The following RPS6KC1 variants were observed in gnomAD, a reference collection of about 807,000 sequenced individuals.
The protein encoded by RPS6KC1 is ribosomal protein S6 kinase C1.
RPS6KC1 carries 54 observed loss-of-function variants against 103.8 expected under a neutral mutation model. That is an observed-to-expected ratio of 0.52 (90% CI 0.42 to 0.65). The LOEUF is 0.65. Among genes scored for constraint, RPS6KC1 ranks in the 30% least tolerant of loss-of-function variants. RPS6KC1 has a pLI of 0.00. For synonymous variants in RPS6KC1, 439 were observed against 438.7 expected (o/e 1.00, Z -0.01); for missense variants, 1,151 against 1,253.8 (o/e 0.92, Z 1.24).
chr1:213,726,036 C>A, the RPS6KC1 span, among the ~76,000 whole-genome samples: 2 of 152,174 alleles, frequency 1.3e-5, no homozygotes, highest in Admixed American at 1.3e-4. Flanking sequence ...ACTCCATTGA[C>A]ACAAACTATC....
At chr1:213,088,987 A>G (rs765203734) in intron 3 of RPS6KC1, among the ~76,000 whole-genome samples, 1 of 152,264 alleles carries the variant, frequency 6.6e-6, no homozygotes, top group Non-Finnish European at 1.5e-5. Flanking sequence ...GCCAGAATGA[A>G]GTGATCATCA....
the RPS6KC1 span, among the ~76,000 whole-genome samples, chr1:213,754,987 A>G: frequency 6.6e-6 from 1 of 152,176 alleles, no homozygotes; most frequent in African/African-American, 2.4e-5. Flanking sequence ...CAGTGCAAAG[A>G]ATGTATTAAT....
At chr1:213,339,231 A>T in the RPS6KC1 span, among the ~76,000 whole-genome samples, 2 of 152,170 alleles carry the variant, frequency 1.3e-5, no homozygotes, top group Non-Finnish European at 2.9e-5. Flanking sequence ...ATGCCATTGC[A>T]CTCCAGCCTG....
At chr1:213,846,882 T>C in the RPS6KC1 span, among the ~76,000 whole-genome samples, 2 of 152,210 alleles carry the variant, frequency 1.3e-5, no homozygotes, top group Non-Finnish European at 2.9e-5. Context: ...AATTTCCCTC[T>C]TCATAGGAGT....
In RPS6KC1 at chr1:213,090,472, A is replaced by G. The variant is rs529682874; in HGVS notation, c.262+12656A>G. ...TTAAAAGGTAGAGTAGTTATAGGTG[A>G]TGATGTCATCAAAAGTCAATCCCAA... On this transcript the variant is annotated intron_variant, in intron 3 of 14. Coordinates refer to ENST00000366960, the MANE Select transcript of RPS6KC1 (RefSeq NM_012424.6). Among the ~76,000 whole-genome samples, 263 of 152,346 alleles carry G rather than the reference A, an allele frequency of 1.7e-3. 3 individuals carry two copies. The South Asian group carries it at 0.03, about 17-fold the overall frequency.
At chr1:213,357,963 C>T in the RPS6KC1 span, among the ~76,000 whole-genome samples, 1 of 152,198 alleles carries the variant, frequency 6.6e-6, no homozygotes, top group Non-Finnish European at 1.5e-5. Flanking sequence ...TTGAACCAGC[C>T]TTGCATCCCA....
At chr1:213,329,796 C>T in the RPS6KC1 span, among the ~76,000 whole-genome samples, 11 of 152,114 alleles carry the variant, frequency 7.2e-5, no homozygotes, top group Non-Finnish European at 1.6e-4. Context: ...GACAGCTGTC[C>T]GAGGTCCTTC....
chr1:213,345,813 T>C, the RPS6KC1 span, among the ~76,000 whole-genome samples: 1 of 152,230 alleles, frequency 6.6e-6, no homozygotes. Flanking sequence ...CTCCTTGGCC[T>C]CTTGCCTGCA....
chr1:213,277,232 C>A (rs534332163), downstream of RPS6KC1, among the ~76,000 whole-genome samples: 4 of 152,338 alleles, frequency 2.6e-5, no homozygotes, highest in African/African-American at 9.6e-5. Flanking sequence ...GACTCAGCAT[C>A]ACTTACTCTC....
chr1:213,859,381 G>T, the RPS6KC1 span, among the ~76,000 whole-genome samples: 3 of 152,192 alleles, frequency 2.0e-5, no homozygotes, highest in Non-Finnish European at 2.9e-5. Context: ...CTAAGATGGG[G>T]TTCAGGCATC....
the RPS6KC1 span, among the ~76,000 whole-genome samples, chr1:213,371,259 T>C: frequency 6.6e-6 from 1 of 152,212 alleles, no homozygotes. Flanking sequence ...TCAAGGCTCA[T>C]CCTGTTGTTG....
At chr1:213,736,307 G>A in the RPS6KC1 span, among the ~76,000 whole-genome samples, 1 of 152,174 alleles carries the variant, frequency 6.6e-6, no homozygotes, top group African/African-American at 2.4e-5. Context: ...TTCTCATGGG[G>A]AGGCTCCACT....
chr1:213,255,604 T>A (rs2094624901), intron 12 of RPS6KC1, among the ~76,000 whole-genome samples: 1 of 152,220 alleles, frequency 6.6e-6, no homozygotes, highest in African/African-American at 2.4e-5. Flanking sequence ...GTAGTTTTGA[T>A]AGCCACACAA....
At chr1:213,709,354 T>C in the RPS6KC1 span, among the ~76,000 whole-genome samples, 1 of 152,236 alleles carries the variant, frequency 6.6e-6, no homozygotes, top group Admixed American at 6.5e-5. Context: ...GTTTATAGTA[T>C]TCTCTGATGG....
the RPS6KC1 span, among the ~76,000 whole-genome samples, chr1:213,698,044 T>C: frequency 5.9e-5 from 9 of 152,226 alleles, no homozygotes; most frequent in Non-Finnish European, 1.3e-4. Context: ...TAGTTTTTCA[T>C]TGTACAGACC....
intron 8 of RPS6KC1, among the ~76,000 whole-genome samples, chr1:213,185,455 T>C (rs1163471112): frequency 1.3e-5 from 2 of 152,156 alleles, no homozygotes; most frequent in Non-Finnish European, 2.9e-5. Flanking sequence ...GAGACCAGCC[T>C]GGCCAACATG....
chr1:213,802,611 G>A, the RPS6KC1 span, among the ~76,000 whole-genome samples: 1 of 152,156 alleles, frequency 6.6e-6, no homozygotes, highest in Non-Finnish European at 1.5e-5. Context: ...TTCATTAGAT[G>A]TAAATCTTTA....
chr1:213,800,075 C>G, the RPS6KC1 span, among the ~76,000 whole-genome samples: 3 of 152,142 alleles, frequency 2.0e-5, no homozygotes, highest in African/African-American at 4.8e-5. Context: ...CTCATGACCT[C>G]CTCTAAACCT....
chr1:213,262,961 T>A, intron 14 of RPS6KC1, 145 bp downstream of exon 14: 1 of 626,434 alleles, frequency 1.6e-6, no homozygotes, highest in Non-Finnish European at 2.9e-6. Context: ...TAATACTGTA[T>A]ATTTTCAGGC....
Sources: gnomAD v4.1 joint callset for allele counts (sites outside exome capture counted in the v4.1 genomes callset) on GRCh38, gnomAD v4.1.1 for gene constraint, MANE v1.5 for transcripts, NCBI Gene and HGNC (gene_info 2026-07-23, HGNC 2026-07-21) for gene names.